CADM2: variants seen among roughly 807,000 people sequenced by gnomAD.
CADM2 encodes the protein immunoglobulin superfamily member 4D.
CADM2 carries 12 observed loss-of-function variants against 49.8 expected under a neutral mutation model. The observed-to-expected ratio is 0.24, with a 90% confidence interval of 0.15 to 0.39. The LOEUF (loss-of-function observed/expected upper bound fraction) is 0.39, where lower values mean the gene tolerates loss of function less well. CADM2 is among the 10% of genes least tolerant of loss of function. The probability of loss-of-function intolerance (pLI) is 1.00; values close to 1 mark genes in which losing one functional copy is unlikely to be tolerated. For missense variants in CADM2, 378 were observed against 492.3 expected, an observed-to-expected ratio of 0.77 and a Z score of 2.20; for synonymous variants, 214 against 175.4, an observed-to-expected ratio of 1.22 and a Z score of -1.74.
chr3:85,821,054 C>T (rs548107243), intron 3 of CADM2, among the ~76,000 whole-genome samples: 5 of 152,250 alleles, frequency 3.3e-5, no homozygotes, highest in African/African-American at 1.2e-4. Flanking sequence ...CTTTCATTAT[C>T]ATCCTTTGAT....
chr3:85,534,884 A>T (rs1265025903), intron 1 of CADM2, among the ~76,000 whole-genome samples: 1 of 152,118 alleles, frequency 6.6e-6, no homozygotes, highest in Non-Finnish European at 1.5e-5. Context: ...ATGAGTGGCT[A>T]CTTTTGTTGT....
chr3:85,294,790 C>G (rs889265832), intron 1 of CADM2, among the ~76,000 whole-genome samples: 7 of 152,082 alleles, frequency 4.6e-5, no homozygotes, highest in African/African-American at 1.4e-4. Flanking sequence ...AAAATCAATT[C>G]AAGTTGGATT....
Position 85,443,345 on chromosome 3 carries a change from A to T in CADM2, c.62-283177A>T, listed in dbSNP as rs1421924295. Reference sequence around the variant, plus strand: ...TTATAAGGAGACAATATATACTCATACTCATCAAACCAATACTTCAATTCA... The same window carrying T: ...TTATAAGGAGACAATATATACTCATTCTCATCAAACCAATACTTCAATTCA... On this transcript the variant is annotated intron_variant, in intron 1 of 9. Transcript: ENST00000383699. Among the ~76,000 whole-genome samples, 4 of 152,222 alleles carry T rather than the reference A, an allele frequency of 2.6e-5. No individual in the cohort carries two copies. The East Asian group carries it at 7.7e-4, about 29-fold the overall frequency.
chr3:85,875,945 T>C (rs2108367153), intron 3 of CADM2, among the ~76,000 whole-genome samples: 1 of 152,234 alleles, frequency 6.6e-6, no homozygotes, highest in East Asian at 1.9e-4. Flanking sequence ...CTTGGCTTAT[T>C]GTACTGACAC....
chr3:86,032,509 T>A (rs1006091350), intron 8 of CADM2, among the ~76,000 whole-genome samples: 3 of 151,922 alleles, frequency 2.0e-5, no homozygotes, highest in Admixed American at 6.6e-5. Context: ...TCATATGTAG[T>A]TATAACATAT....
At chr3:85,517,577 C>A (rs1251956647) in intron 1 of CADM2, among the ~76,000 whole-genome samples, 1 of 152,136 alleles carries the variant, frequency 6.6e-6, no homozygotes, top group East Asian at 1.9e-4. Context: ...AACAAGATGA[C>A]AGCCATGACT....
chr3:85,541,717 A>T (rs201164733), intron 1 of CADM2, among the ~76,000 whole-genome samples: 33 of 135,532 alleles, frequency 2.4e-4, no homozygotes, highest in Non-Finnish European at 9.1e-5. Context: ...TATATTTTAT[A>T]TTATATATAT....
At chr3:85,028,319 C>T (rs80032215) in intron 1 of CADM2, among the ~76,000 whole-genome samples, 4,632 of 152,202 alleles carry the variant, frequency 0.03, 83 homozygotes, top group Middle Eastern at 0.071. Context: ...GTGACCTTCT[C>T]CCTAAACTGC....
intron 1 of CADM2, among the ~76,000 whole-genome samples, chr3:85,135,431 A>C (rs2039386478): frequency 6.6e-6 from 1 of 152,044 alleles, no homozygotes; most frequent in Non-Finnish European, 1.5e-5. Flanking sequence ...TAATTTTGTA[A>C]TGTAAACATA....
At chr3:85,077,375 C>G (rs2200461) in intron 1 of CADM2, among the ~76,000 whole-genome samples, 1 of 151,958 alleles carries the variant, frequency 6.6e-6, no homozygotes, top group Non-Finnish European at 1.5e-5. Flanking sequence ...TCATAAAATA[C>G]CTTTACAGAG....
At chr3:85,253,471 C>T (rs1483007387) in intron 1 of CADM2, among the ~76,000 whole-genome samples, 1 of 151,980 alleles carries the variant, frequency 6.6e-6, no homozygotes, top group African/African-American at 2.4e-5. Flanking sequence ...TCCTTATTCC[C>T]TATAAGGTAG....
At position 85,325,584 on chromosome 3, in the gene CADM2, C is replaced by G. The variant is rs778509061; in HGVS notation, c.61+365916C>G. Among the ~76,000 whole-genome samples the G allele has an allele frequency of 2.0e-5, 3 of 150,566 alleles. No homozygotes were observed. In the Admixed American group the frequency reaches 2.0e-4, roughly 10 times the overall value. On this transcript the variant is annotated intron_variant, in intron 1 of 9. Coordinates refer to ENST00000383699, the MANE Select transcript of CADM2 (RefSeq NM_001167675.2). Reference sequence around the variant, plus strand: ...AATTAGCCAGGCGCCCAGCTACTGGCGAGGCTGAGGCAGGAGAATCACTTG... The same window carrying G: ...AATTAGCCAGGCGCCCAGCTACTGGGGAGGCTGAGGCAGGAGAATCACTTG...
chr3:85,459,064 T>A (rs2038120762), intron 1 of CADM2, among the ~76,000 whole-genome samples: 1 of 152,178 alleles, frequency 6.6e-6, no homozygotes, highest in Admixed American at 6.5e-5. Flanking sequence ...TTAGGATAGA[T>A]GCAGGGTTGA....
At chr3:85,513,891 ACTTACT>A (rs1419792101) in intron 1 of CADM2, among the ~76,000 whole-genome samples, 1 of 152,054 alleles carries the variant, frequency 6.6e-6, no homozygotes, top group African/African-American at 2.4e-5. Flanking sequence ...ATACAATTTG[ACTTACT>A]CTTATGATAT....
chr3:85,016,139 C>A (rs984177586), intron 1 of CADM2, among the ~76,000 whole-genome samples: 2 of 152,040 alleles, frequency 1.3e-5, no homozygotes, highest in Non-Finnish European at 2.9e-5. Context: ...GTGAAAAGAG[C>A]AGTCCAGAAG....
chr3:85,082,190 A>G (rs952000169), intron 1 of CADM2, among the ~76,000 whole-genome samples: 1 of 152,204 alleles, frequency 6.6e-6, no homozygotes, highest in Non-Finnish European at 1.5e-5. Context: ...CATCGAAACT[A>G]GGATACTGTC....
chr3:84,999,334 T>C (rs1048991674), intron 1 of CADM2, among the ~76,000 whole-genome samples: 1 of 152,164 alleles, frequency 6.6e-6, no homozygotes, highest in African/African-American at 2.4e-5. Flanking sequence ...TATGTGTGTT[T>C]CTATTTAAAG....
chr3:85,614,041 T>G (rs1368924357), intron 1 of CADM2, among the ~76,000 whole-genome samples: 1 of 151,668 alleles, frequency 6.6e-6, no homozygotes, highest in Admixed American at 6.6e-5. Context: ...TGTAAGAATG[T>G]TTGTTGCAAA....
chr3:85,322,172 T>A (rs1024381538), intron 1 of CADM2, among the ~76,000 whole-genome samples: 5 of 152,182 alleles, frequency 3.3e-5, no homozygotes, highest in African/African-American at 4.8e-5. Flanking sequence ...TTCCATTGAG[T>A]TTATATAACC....
Sources: allele counts gnomAD v4.1 joint callset (sites outside exome capture counted in the v4.1 genomes callset), GRCh38; gene constraint gnomAD v4.1.1; transcripts MANE v1.5; gene names NCBI Gene and HGNC (gene_info 2026-07-23, HGNC 2026-07-21).